The following PLCB1 variants were observed in gnomAD, a reference collection of about 807,000 sequenced individuals.
PLCB1 encodes 1-phosphatidylinositol 4,5-bisphosphate phosphodiesterase beta-1.
PLCB1 carries 46 observed loss-of-function variants against 161.8 expected under a neutral mutation model. The observed-to-expected ratio is 0.28, with a 90% CI of 0.22 to 0.36. The LOEUF is 0.36. Among genes scored for constraint, PLCB1 ranks in the 10% least tolerant of loss-of-function variants. The probability of loss-of-function intolerance (pLI) is 1.00; values close to 1 mark genes in which losing one functional copy is unlikely to be tolerated. For missense variants in PLCB1, 1,016 were observed against 1,472.5 expected (o/e 0.69, Z 5.07); for synonymous variants, 517 against 503.7 (o/e 1.03, Z -0.35).
At chr20:8,851,614 C>A (rs1219099637) in intron 31 of PLCB1, among the ~76,000 whole-genome samples, 1 of 152,060 alleles carries the variant, frequency 6.6e-6, no homozygotes, top group Non-Finnish European at 1.5e-5. Flanking sequence ...CTGGAAGTAC[C>A]ACTAAGATTG....
intron 31 of PLCB1, chr20:8,802,122 A>C (rs1984311171): frequency 3.1e-6 from 5 of 1,598,034 alleles, no homozygotes; most frequent in South Asian, 1.1e-5. Context: ...CCCCAACTTT[A>C]CTCCCCCCAA....
chr20:8,134,038 TC>T (rs2122995460), intron 1 of PLCB1, among the ~76,000 whole-genome samples: 1 of 152,342 alleles, frequency 6.6e-6, no homozygotes, highest in African/African-American at 2.4e-5. Flanking sequence ...AACCACAGCT[TC>T]CTTGAAAGCT....
intron 3 of PLCB1, among the ~76,000 whole-genome samples, chr20:8,397,915 T>C (rs925372593): frequency 1.4e-4 from 20 of 143,230 alleles, no homozygotes; most frequent in African/African-American, 5.3e-4. Context: ...AAGGCTACAA[T>C]TTTTTTTTTA....
At chr20:8,276,041 A>C (rs891017206) in intron 2 of PLCB1, among the ~76,000 whole-genome samples, 8 of 152,114 alleles carry the variant, frequency 5.3e-5, no homozygotes, top group Non-Finnish European at 1.0e-4. Context: ...GTAGGTTTAT[A>C]AAACTAAAGT....
At chr20:8,696,605 C>T (rs2123425627) in intron 10 of PLCB1, among the ~76,000 whole-genome samples, 1 of 152,250 alleles carries the variant, frequency 6.6e-6, no homozygotes, top group South Asian at 2.1e-4. Flanking sequence ...CTTAGCAATA[C>T]CAAGTCTTCT....
At chr20:8,167,687 A>T (rs1467121151) in intron 2 of PLCB1, among the ~76,000 whole-genome samples, 1 of 152,196 alleles carries the variant, frequency 6.6e-6, no homozygotes, top group Non-Finnish European at 1.5e-5. Flanking sequence ...TTTTTAAATT[A>T]TGAGTTGTCT....
chr20:8,645,313 A>AAT (rs199644854), intron 4 of PLCB1, among the ~76,000 whole-genome samples: 2 of 67,944 alleles, frequency 2.9e-5, no homozygotes, highest in Admixed American at 3.3e-4. Flanking sequence ...ATAAAAAAAA[A>AAT]TAAAAAAAAT....
intron 3 of PLCB1, among the ~76,000 whole-genome samples, chr20:8,381,369 C>G (rs550371850): frequency 1.3e-5 from 2 of 152,076 alleles, no homozygotes; most frequent in African/African-American, 4.8e-5. Flanking sequence ...ATTTTTGCAT[C>G]GATGTTCATC....
At chr20:8,732,905 ATATAT>A (rs987055917) in intron 18 of PLCB1, among the ~76,000 whole-genome samples, 32 of 147,706 alleles carry the variant, frequency 2.2e-4, no homozygotes, top group Non-Finnish European at 4.2e-4. Context: ...TATTATACAA[ATATAT>A]TATTCTAATA....
At chr20:8,492,856 GT>G (rs1161408317) in intron 3 of PLCB1, among the ~76,000 whole-genome samples, 1 of 151,414 alleles carries the variant, frequency 6.6e-6, no homozygotes, top group Non-Finnish European at 1.5e-5. Flanking sequence ...ATATGTGTGT[GT>G]GTGTGTGTGT....
At chr20:8,737,303 T>C in intron 20 of PLCB1, 111 bp downstream of exon 20, 1 of 914,806 alleles carries the variant, frequency 1.1e-6, no homozygotes, top group Non-Finnish European at 1.7e-6. Flanking sequence ...ATTTACACAC[T>C]TATAAAGCAA....
intron 26 of PLCB1, among the ~76,000 whole-genome samples, chr20:8,768,744 G>C (rs1299021532): frequency 6.6e-6 from 1 of 152,198 alleles, no homozygotes; most frequent in Non-Finnish European, 1.5e-5. Flanking sequence ...GATACTACTT[G>C]TGTCAGATGA....
At chr20:8,815,393 T>C (rs1325620779) in intron 31 of PLCB1, among the ~76,000 whole-genome samples, 1 of 152,208 alleles carries the variant, frequency 6.6e-6, no homozygotes, top group Non-Finnish European at 1.5e-5. Flanking sequence ...CTATTTTTAT[T>C]ACTCACACAA....
chr20:8,629,760 AC>A (rs1295987773), intron 4 of PLCB1, among the ~76,000 whole-genome samples: 1 of 151,188 alleles, frequency 6.6e-6, no homozygotes, highest in African/African-American at 2.4e-5. Flanking sequence ...TCTGAGCTAC[AC>A]CAGATGTGTT....
At chr20:8,443,855 C>T (rs1328176391) in intron 3 of PLCB1, among the ~76,000 whole-genome samples, 2 of 152,208 alleles carry the variant, frequency 1.3e-5, no homozygotes, top group Non-Finnish European at 2.9e-5. Flanking sequence ...CCTTCTTCCA[C>T]CCCTACCCCA....
intron 2 of PLCB1, among the ~76,000 whole-genome samples, chr20:8,163,211 C>T (rs1359740482): frequency 6.6e-6 from 1 of 152,164 alleles, no homozygotes; most frequent in African/African-American, 2.4e-5. Flanking sequence ...CCATGGTGTA[C>T]AAGTGAAGCT....
intron 31 of PLCB1, among the ~76,000 whole-genome samples, chr20:8,828,399 T>C (rs1362944032): frequency 2.0e-5 from 3 of 152,240 alleles, no homozygotes; most frequent in Non-Finnish European, 4.4e-5. Flanking sequence ...ATGCCAATTA[T>C]CTTCCTTTTT....
intron 3 of PLCB1, among the ~76,000 whole-genome samples, chr20:8,622,468 A>G (rs1472196932): frequency 3.9e-5 from 6 of 152,140 alleles, no homozygotes; most frequent in African/African-American, 1.4e-4. Flanking sequence ...TATAGTCCTA[A>G]GAATGTTTTC....
At chr20:8,338,933 G>T (rs569744052) in intron 2 of PLCB1, among the ~76,000 whole-genome samples, 149 of 152,112 alleles carry the variant, frequency 9.8e-4, no homozygotes, top group Admixed American at 3.4e-3. Flanking sequence ...CTTCTTTCGT[G>T]CAATGTAATT....
Sources: gnomAD v4.1 joint callset for allele counts (sites outside exome capture counted in the v4.1 genomes callset) on GRCh38, gnomAD v4.1.1 for gene constraint, MANE v1.5 for transcripts, NCBI Gene and HGNC (gene_info 2026-07-23, HGNC 2026-07-21) for gene names.